Variants in CLNK observed in about 807,000 individuals in gnomAD.
CLNK encodes the protein cytokine-dependent hematopoietic cell linker.
A neutral mutation model predicts 68.6 loss-of-function variants in CLNK; 74 were observed. The ratio of observed to expected loss-of-function variants is 1.08; its 90% confidence interval spans 0.89 to 1.31. CLNK has a LOEUF of 1.31. Among genes scored for constraint, CLNK ranks in the 50% most tolerant of loss-of-function variants. CLNK has a pLI of 0.00. For missense variants in CLNK, 553 were observed against 515.3 expected, an observed-to-expected ratio of 1.07 and a Z score of -0.71; for synonymous variants, 198 against 172.2, an observed-to-expected ratio of 1.15 and a Z score of -1.17.
At chr4:10,661,745 T>TAAC (rs1292156365) in intron 2 of CLNK, among the ~76,000 whole-genome samples, 1 of 152,306 alleles carries the variant, frequency 6.6e-6, no homozygotes, top group East Asian at 1.9e-4. Flanking sequence ...TGTCAATGAT[T>TAAC]AACATTGACT....
intron 3 of CLNK, among the ~76,000 whole-genome samples, chr4:10,595,234 A>G (rs1226838491): frequency 1.3e-5 from 2 of 152,136 alleles, no homozygotes; most frequent in Non-Finnish European, 2.9e-5. Context: ...ATTTTTCCCT[A>G]TCTGTAAATG....
chr4:10,611,719 GTGC>G (rs1400226449), intron 2 of CLNK, among the ~76,000 whole-genome samples: 2 of 152,256 alleles, frequency 1.3e-5, no homozygotes, highest in African/African-American at 4.8e-5. Context: ...GCCCAATGAT[GTGC>G]TGCTCCTGGG....
chr4:10,536,817 A>G (rs1367578713), intron 11 of CLNK, among the ~76,000 whole-genome samples: 1 of 152,232 alleles, frequency 6.6e-6, no homozygotes, highest in South Asian at 2.1e-4. Context: ...GGAACCCCAG[A>G]GATATCAAAT....
the CLNK span, among the ~76,000 whole-genome samples, chr4:10,696,257 G>A: frequency 6.6e-6 from 1 of 152,092 alleles, no homozygotes. Flanking sequence ...TGGCCTTGCC[G>A]TTCTTTGGTC....
chr4:10,637,123 G>A (rs557042456), intron 2 of CLNK, among the ~76,000 whole-genome samples: 1 of 152,272 alleles, frequency 6.6e-6, no homozygotes, highest in South Asian at 2.1e-4. Context: ...CATTTTCTGG[G>A]TTCTGTGAGG....
At chr4:10,691,817 A>G in the CLNK span, among the ~76,000 whole-genome samples, 9 of 152,182 alleles carry the variant, frequency 5.9e-5, no homozygotes, top group East Asian at 1.7e-3. Context: ...AGATTAGGAA[A>G]GAAAAAAACA....
At position 10,561,120 on chromosome 4, in the gene CLNK, T is replaced by C. The variant is rs1237403085; in HGVS notation, c.400-2668A>G. On this transcript the variant is annotated intron_variant, in intron 7 of 18. Coordinates refer to ENST00000226951, the MANE Select transcript of CLNK (RefSeq NM_052964.4). ...GTTACTATGTTACTCAGGCTGCTAC[T>C]GAGCTCCTGGGCTGAAGCAATTCAC... Among the ~76,000 whole-genome samples, 23 of 152,034 alleles carry C rather than the reference T, an allele frequency of 1.5e-4. 1 individual carries two copies. Among genetic ancestry groups the C allele is most frequent in the Admixed American group, 1.5e-3 (23 of 15,262 alleles).
At position 10,501,258 on chromosome 4, in the gene CLNK, C is replaced by T. The variant is rs749179971; in HGVS notation, c.1138G>A (p.Glu380Lys). 5.9e-5 allele frequency: 93 copies of T among 1,570,126 alleles called. No homozygotes were observed. The Admixed American group carries it at 2.0e-3, about 33-fold the overall frequency. ...FALGTGLRGD[E>K]KFDSVEDIIE... The stretch of plus-strand genomic sequence containing the variant: ...GGAGGCTGTTAAGTTATACCCACCT[C>T]ATCTCCTCTGAGTCCTGTCCCCAGG... Residue 380 changes from glutamate (E) to lysine (K), a missense_variant and splice_region_variant, in exon 18 of 19, where the codon GAG (glutamate) becomes AAG (lysine). Physicochemically the swap from Glu to Lys is moderately conservative, Grantham distance 56. Coordinates refer to ENST00000226951, the MANE Select transcript of CLNK (RefSeq NM_052964.4).
At chr4:10,512,501 G>C (rs542800495) in intron 16 of CLNK, among the ~76,000 whole-genome samples, 7 of 152,218 alleles carry the variant, frequency 4.6e-5, no homozygotes, top group Admixed American at 4.6e-4. Context: ...AAAGTGCTGA[G>C]ATTACAGGCA....
At chr4:10,652,134 A>C (rs1723767239) in intron 2 of CLNK, among the ~76,000 whole-genome samples, 1 of 152,056 alleles carries the variant, frequency 6.6e-6, no homozygotes, top group Non-Finnish European at 1.5e-5. Flanking sequence ...TAATCCCAGC[A>C]CTTTGGGAGG....
At chr4:10,672,178 G>C (rs575080706) in intron 1 of CLNK, among the ~76,000 whole-genome samples, 1 of 152,178 alleles carries the variant, frequency 6.6e-6, no homozygotes, top group South Asian at 2.1e-4. Context: ...GGAAGTGGGG[G>C]AGGGAACTGC....
intron 8 of CLNK, among the ~76,000 whole-genome samples, chr4:10,545,465 C>T (rs749529554): frequency 2.0e-5 from 3 of 152,074 alleles, no homozygotes; most frequent in Non-Finnish European, 2.9e-5. Context: ...TCCAAGGCCT[C>T]GGGACACCCC....
chr4:10,507,532 T>G (rs1444162101), intron 17 of CLNK, among the ~76,000 whole-genome samples: 1 of 151,468 alleles, frequency 6.6e-6, no homozygotes, highest in Non-Finnish European at 1.5e-5. Context: ...GGCACAGTCT[T>G]GGCTCACTGC....
At chr4:10,505,944 G>A (rs1313280739) in intron 17 of CLNK, among the ~76,000 whole-genome samples, 2 of 152,310 alleles carry the variant, frequency 1.3e-5, no homozygotes, top group Admixed American at 1.3e-4. Flanking sequence ...TGAGAGCTAA[G>A]TTTTATTAAA....
intron 3 of CLNK, among the ~76,000 whole-genome samples, chr4:10,589,305 C>A (rs1205367801): frequency 6.6e-6 from 1 of 152,138 alleles, no homozygotes; most frequent in East Asian, 1.9e-4. Context: ...CCCTCCAAAT[C>A]CCTTCTTATT....
intron 11 of CLNK, 85 bp downstream of exon 11, chr4:10,540,409 A>T (rs1718965716): frequency 1.0e-6 from 1 of 974,540 alleles, no homozygotes; most frequent in Non-Finnish European, 1.6e-6. Flanking sequence ...CTGCTCTGAA[A>T]GGTACTTTGT....
chr4:10,615,802 A>T (rs933015676), intron 2 of CLNK, among the ~76,000 whole-genome samples: 1 of 152,232 alleles, frequency 6.6e-6, no homozygotes, highest in African/African-American at 2.4e-5. Context: ...TCCAAGGTCA[A>T]CTAGTCAATG....
rs1168074663 is a variant in CLNK, at chr4:10,508,047, G to A, written c.907-11C>T. On this transcript the variant is annotated splice_polypyrimidine_tract_variant and intron_variant, in intron 16 of 18. Coordinates refer to ENST00000226951, the MANE Select transcript of CLNK (RefSeq NM_052964.4). ...ATTGTGCTGGACATCCTGCAGAACA[G>A]AATCAATGATAAATATTTTAGGGTC... 5.6e-6 allele frequency: 9 copies of A among 1,594,172 alleles called. No homozygotes were observed. The highest frequency in any genetic ancestry group is 7.7e-6 in the Non-Finnish European group (9 of 1,169,364).
At chr4:10,551,803 A>G (rs974615454) in intron 8 of CLNK, among the ~76,000 whole-genome samples, 1 of 151,920 alleles carries the variant, frequency 6.6e-6, no homozygotes, top group Non-Finnish European at 1.5e-5. Context: ...TTTCCCCTCT[A>G]TGTAAAACTG....
Sources: gnomAD v4.1 joint callset for allele counts (sites outside exome capture counted in the v4.1 genomes callset) on GRCh38, gnomAD v4.1.1 for gene constraint, MANE v1.5 for transcripts, NCBI Gene and HGNC (gene_info 2026-07-23, HGNC 2026-07-21) for gene names.